The following LHPP variants were observed in gnomAD, a reference collection of about 807,000 sequenced individuals.
LHPP encodes the protein phospholysine phosphohistidine inorganic pyrophosphate phosphatase.
In LHPP, 24 loss-of-function variants were observed where a neutral mutation model predicts 30.3. The ratio of observed to expected loss-of-function variants is 0.79; its 90% CI spans 0.57 to 1.11. The LOEUF is 1.11. Among genes scored for constraint, LHPP ranks in the 50% most tolerant of loss-of-function variants. LHPP has a pLI of 0.00. For synonymous variants in LHPP, 150 were observed against 157.1 expected (o/e 0.95, Z 0.34); for missense variants, 356 against 367.2 (o/e 0.97, Z 0.25).
intron 1 of LHPP, among the ~76,000 whole-genome samples, chr10:124,471,388 TTA>T (rs554174193): frequency 1.3e-5 from 1 of 77,700 alleles, no homozygotes; most frequent in African/African-American, 3.9e-5. Flanking sequence ...AACTCCAAAA[TTA>T]TATATATATA....
At chr10:124,548,702 G>A (rs1233309812) in intron 6 of LHPP, among the ~76,000 whole-genome samples, 1 of 152,240 alleles carries the variant, frequency 6.6e-6, no homozygotes, top group Non-Finnish European at 1.5e-5. Flanking sequence ...AGATGCCCAG[G>A]TAGAGACCCT....
intron 6 of LHPP, among the ~76,000 whole-genome samples, chr10:124,610,824 A>C (rs878874082): frequency 6.2e-4 from 3 of 4,818 alleles, no homozygotes; most frequent in Non-Finnish European, 5.6e-4. Context: ...GGAGCGGGTG[A>C]GGGTGAGGGT....
At chr10:124,548,826 C>G (rs1360510012) in intron 6 of LHPP, among the ~76,000 whole-genome samples, 1 of 152,230 alleles carries the variant, frequency 6.6e-6, no homozygotes, top group Non-Finnish European at 1.5e-5. Context: ...AGAGCCTCAG[C>G]AGGAGCCCGG....
chr10:124,490,609 T>C, intron 3 of LHPP: 1 of 219,780 alleles, frequency 4.5e-6, no homozygotes. Context: ...GGTCCGGGGC[T>C]GGAAAGCATG....
At chr10:124,475,828 C>T (rs953040829) in intron 1 of LHPP, among the ~76,000 whole-genome samples, 2 of 152,166 alleles carry the variant, frequency 1.3e-5, no homozygotes, top group Non-Finnish European at 2.9e-5. Context: ...GGATCCCCAC[C>T]CCTCACCCCC....
At position 124,601,448 on chromosome 10, in the gene LHPP, C is replaced by T. The variant is rs552180918; in HGVS notation, c.717-11816C>T. On this transcript the variant is annotated intron_variant, in intron 6 of 6. Transcript: ENST00000368842. ...CCTGAGACAGGCGGGTGAGCACTTG[C>T]CCCACACTCCAGCCAGGATTGGGGG... Among the ~76,000 whole-genome samples the T allele has an allele frequency of 1.2e-3, 185 of 152,300 alleles. 1 individual carries two copies. Among genetic ancestry groups the T allele is most frequent in the Non-Finnish European group, 2.3e-3 (157 of 68,022 alleles).
chr10:124,522,987 AG>A (rs1954645971), intron 6 of LHPP, among the ~76,000 whole-genome samples: 2 of 152,148 alleles, frequency 1.3e-5, no homozygotes, highest in African/African-American at 2.4e-5. Context: ...GCCAGAAACC[AG>A]GCCGTGTGGC....
intron 2 of LHPP, among the ~76,000 whole-genome samples, chr10:124,485,704 G>A (rs907806821): frequency 4.6e-5 from 7 of 152,052 alleles, no homozygotes; most frequent in Admixed American, 2.6e-4. Flanking sequence ...TGGTTCAAGC[G>A]ATTCTTCTGC....
At chr10:124,469,512 G>T (rs570008034) in intron 1 of LHPP, among the ~76,000 whole-genome samples, 34 of 101,050 alleles carry the variant, frequency 3.4e-4, no homozygotes, top group African/African-American at 1.0e-3. Context: ...CCCTGAGGTG[G>T]GGGGGGCTTC....
At chr10:124,551,467 G>T (rs76544775) in intron 6 of LHPP, among the ~76,000 whole-genome samples, 2 of 152,192 alleles carry the variant, frequency 1.3e-5, no homozygotes, top group Admixed American at 6.5e-5. Flanking sequence ...GTGGGGGCGG[G>T]GGGGCAGAGC....
At chr10:124,519,684 A>G (rs1954557459) in intron 6 of LHPP, among the ~76,000 whole-genome samples, 1 of 152,140 alleles carries the variant, frequency 6.6e-6, no homozygotes, top group African/African-American at 2.4e-5. Flanking sequence ...GTGAGAACAT[A>G]CAGTGTTTGG....
chr10:124,462,946 C>A (rs753301013), intron 1 of LHPP, among the ~76,000 whole-genome samples: 18 of 152,224 alleles, frequency 1.2e-4, no homozygotes, highest in Non-Finnish European at 1.2e-4. Context: ...CTGCTGACTG[C>A]AACCGCCGCC....
At chr10:124,531,833 C>T (rs1185261264) in intron 6 of LHPP, among the ~76,000 whole-genome samples, 1 of 152,170 alleles carries the variant, frequency 6.6e-6, no homozygotes, top group Non-Finnish European at 1.5e-5. Flanking sequence ...GATGCGATGT[C>T]CCACTTTCAT....
At chr10:124,472,558 TAC>T (rs1564769533) in intron 1 of LHPP, among the ~76,000 whole-genome samples, 1 of 150,332 alleles carries the variant, frequency 6.7e-6, no homozygotes, top group Non-Finnish European at 1.5e-5. Context: ...TGTATAAACT[TAC>T]TTTTTTTTTT....
At chr10:124,465,534 A>T (rs930637498) in intron 1 of LHPP, among the ~76,000 whole-genome samples, 1 of 152,254 alleles carries the variant, frequency 6.6e-6, no homozygotes, top group African/African-American at 2.4e-5. Context: ...ACAACGAACA[A>T]GCAGCCCAAT....
At chr10:124,539,343 T>A (rs904200337) in intron 6 of LHPP, among the ~76,000 whole-genome samples, 1 of 152,180 alleles carries the variant, frequency 6.6e-6, no homozygotes, top group Non-Finnish European at 1.5e-5. Flanking sequence ...TGGACAGAGT[T>A]GGCCGGGTGA....
rs553458540 is a variant in LHPP, at chr10:124,596,916, C to T, written c.717-16348C>T. On this transcript the variant is annotated intron_variant, in intron 6 of 6. Transcript: ENST00000368842. The surrounding 1 kb of genome is among the most constrained non-coding windows in gnomAD (Gnocchi z 4.6). ...TGCCAGAGGAGACTGACTTTTGAGT[C>T]GGTGGACCGGGTGACGGAGACCCAC... Among the ~76,000 whole-genome samples the T allele has an allele frequency of 6.6e-6, 1 of 152,276 alleles. No homozygotes were observed. The highest frequency in any genetic ancestry group is 2.4e-5 in the African/African-American group (1 of 41,556).
intron 1 of LHPP, 147 bp from the exon 2 acceptor site, chr10:124,483,992 G>T: frequency 1.5e-6 from 1 of 681,470 alleles, no homozygotes; most frequent in East Asian, 2.7e-5. Context: ...ACACATCCTG[G>T]ATCAGCCAGG....
At chr10:124,556,597 T>C (rs1311952016) in intron 6 of LHPP, among the ~76,000 whole-genome samples, 6 of 152,364 alleles carry the variant, frequency 3.9e-5, no homozygotes, top group African/African-American at 1.4e-4. Flanking sequence ...TTGGTACTTC[T>C]GCAGAATTCT....
Sources: gnomAD v4.1 joint callset for allele counts (sites outside exome capture counted in the v4.1 genomes callset) on GRCh38, gnomAD v4.1.1 for gene constraint, Gnocchi (gnomAD v3.1) non-coding constraint, MANE v1.5 for transcripts, NCBI Gene and HGNC (gene_info 2026-07-23, HGNC 2026-07-21) for gene names.